NR2F1-AS1: variants seen among roughly 807,000 people sequenced by gnomAD.
The protein encoded by NR2F1-AS1 is NR2F1 antisense RNA 1.
chr5:93,504,893 C>T (rs1751154455), intron 4 of NR2F1-AS1, among the ~76,000 whole-genome samples: 1 of 152,120 alleles, frequency 6.6e-6, no homozygotes, highest in Non-Finnish European at 1.5e-5. Context: ...CCCACCAAAT[C>T]TCATGTTCTT....
intron 4 of NR2F1-AS1, among the ~76,000 whole-genome samples, chr5:93,511,185 G>C (rs918631884): frequency 6.6e-6 from 1 of 152,176 alleles, no homozygotes; most frequent in Admixed American, 6.5e-5. Flanking sequence ...AGTAGACTCA[G>C]TAAAGTACAT....
At chr5:93,516,294 C>T (rs1751400456) in intron 4 of NR2F1-AS1, among the ~76,000 whole-genome samples, 1 of 151,748 alleles carries the variant, frequency 6.6e-6, no homozygotes. Context: ...AAATCTATGG[C>T]CCATATTAAA....
At chr5:93,473,435 A>C (rs1750412258) in intron 4 of NR2F1-AS1, among the ~76,000 whole-genome samples, 1 of 151,844 alleles carries the variant, frequency 6.6e-6, no homozygotes, top group Admixed American at 6.6e-5. Context: ...AAAATATTAA[A>C]TATACAGAGG....
At chr5:93,538,822 A>C (rs1751892114) in intron 4 of NR2F1-AS1, among the ~76,000 whole-genome samples, 1 of 152,176 alleles carries the variant, frequency 6.6e-6, no homozygotes, top group South Asian at 2.1e-4. Flanking sequence ...TGTTTTTATA[A>C]TCAGAAATAT....
chr5:93,513,728 G>A (rs1190649857), intron 4 of NR2F1-AS1, among the ~76,000 whole-genome samples: 2 of 152,014 alleles, frequency 1.3e-5, no homozygotes, highest in Non-Finnish European at 2.9e-5. Context: ...CGGTTGACAG[G>A]ATCAATCACA....
intron 4 of NR2F1-AS1, among the ~76,000 whole-genome samples, chr5:93,411,959 G>A (rs564566080): frequency 5.9e-5 from 9 of 152,236 alleles, no homozygotes; most frequent in Admixed American, 3.3e-4. Context: ...TGAAGCAATC[G>A]GACAAGCAAA....
chr5:93,414,717 G>C (rs1381656243), intron 4 of NR2F1-AS1, among the ~76,000 whole-genome samples: 1 of 152,194 alleles, frequency 6.6e-6, no homozygotes, highest in Non-Finnish European at 1.5e-5. Context: ...ACCATGGGCT[G>C]TTACTTGCCT....
intron 4 of NR2F1-AS1, among the ~76,000 whole-genome samples, chr5:93,449,281 T>G (rs1749780358): frequency 6.6e-6 from 1 of 152,172 alleles, no homozygotes; most frequent in Non-Finnish European, 1.5e-5. Flanking sequence ...CATCATAAAG[T>G]AGACCATATC....
chr5:93,521,046 G>C (rs1751491475), intron 4 of NR2F1-AS1, among the ~76,000 whole-genome samples: 1 of 152,112 alleles, frequency 6.6e-6, no homozygotes, highest in African/African-American at 2.4e-5. Flanking sequence ...ACAGAACAGA[G>C]AGCCCAGAAG....
chr5:93,522,091 G>A (rs1751513326), intron 4 of NR2F1-AS1, among the ~76,000 whole-genome samples: 1 of 152,284 alleles, frequency 6.6e-6, no homozygotes, highest in African/African-American at 2.4e-5. Flanking sequence ...ATGATCCTTA[G>A]CAAACGAATG....
intron 4 of NR2F1-AS1, among the ~76,000 whole-genome samples, chr5:93,525,095 T>C (rs979119557): frequency 2.6e-5 from 4 of 152,114 alleles, no homozygotes; most frequent in African/African-American, 9.7e-5. Context: ...CCCATTGGTG[T>C]GCTGTATTCA....
chr5:93,419,687 C>A (rs1047260442), intron 4 of NR2F1-AS1, among the ~76,000 whole-genome samples: 1 of 152,166 alleles, frequency 6.6e-6, no homozygotes, highest in Non-Finnish European at 1.5e-5. Flanking sequence ...AAAGACAGAA[C>A]TTTAAGTTTT....
chr5:93,502,490 A>G (rs1751105384), intron 4 of NR2F1-AS1, among the ~76,000 whole-genome samples: 1 of 152,222 alleles, frequency 6.6e-6, no homozygotes, highest in South Asian at 2.1e-4. Flanking sequence ...AGGGGCCAGT[A>G]GCTAAGGTTT....
intron 4 of NR2F1-AS1, among the ~76,000 whole-genome samples, chr5:93,523,624 T>C (rs2149896706): frequency 6.6e-6 from 1 of 152,180 alleles, no homozygotes; most frequent in South Asian, 2.1e-4. Context: ...ATCTGGCAGG[T>C]GCCCCTCTGG....
chr5:93,546,142 A>C lies in NR2F1-AS1; in HGVS notation n.638+7619T>G, dbSNP rs1752080149. On this transcript the variant is annotated intron_variant and non_coding_transcript_variant, in intron 4 of 5. Coordinates refer to ENST00000660523, the Ensembl canonical transcript of NR2F1-AS1. ...AAATGAAACTATGAATACAGGAATC[A>C]GAGAGAAGGTTTGTAAGGTATCTAG... Among the ~76,000 whole-genome samples the C allele has an allele frequency of 1.3e-5, 2 of 152,226 alleles. 1 individual carries two copies. The highest frequency in any genetic ancestry group is 4.1e-4 in the South Asian group (2 of 4,836).
chr5:93,527,043 G>C (rs369815096), intron 4 of NR2F1-AS1, among the ~76,000 whole-genome samples: 1 of 152,192 alleles, frequency 6.6e-6, no homozygotes, highest in East Asian at 1.9e-4. Context: ...AACAGGAAGA[G>C]AGGAAGTCAA....
chr5:93,533,384 T>C (rs934053831), intron 4 of NR2F1-AS1, among the ~76,000 whole-genome samples: 3 of 152,172 alleles, frequency 2.0e-5, no homozygotes, highest in African/African-American at 7.2e-5. Context: ...CTTACAAAAA[T>C]GCTGTATGCA....
chr5:93,560,239 T>A (rs1452839823), intron 2 of NR2F1-AS1, among the ~76,000 whole-genome samples: 1 of 152,236 alleles, frequency 6.6e-6, no homozygotes, highest in Non-Finnish European at 1.5e-5. Flanking sequence ...AATTAAGGAT[T>A]TTTTTACACT....
chr5:93,429,155 T>C (rs1365167442), intron 4 of NR2F1-AS1, among the ~76,000 whole-genome samples: 1 of 152,230 alleles, frequency 6.6e-6, no homozygotes, highest in Non-Finnish European at 1.5e-5. Context: ...TTTATTTTTA[T>C]GCTATACTCA....
Sources: allele counts gnomAD v4.1 joint callset (sites outside exome capture counted in the v4.1 genomes callset), GRCh38; gene constraint gnomAD v4.1.1; transcripts MANE v1.5; gene names NCBI Gene and HGNC (gene_info 2026-07-23, HGNC 2026-07-21).